Variants in XKR4 observed in about 807,000 individuals in gnomAD.
XKR4 encodes XK-related protein 4.
XKR4 carries 12 observed loss-of-function variants against 53.9 expected under a neutral mutation model. The ratio of observed to expected loss-of-function variants is 0.22; its 90% CI spans 0.14 to 0.36. XKR4 has a LOEUF of 0.36. XKR4 is among the 10% of genes least tolerant of loss of function. The probability of loss-of-function intolerance (pLI) is 1.00; values close to 1 mark genes in which losing one functional copy is unlikely to be tolerated. For missense variants in XKR4, 799 were observed against 859.5 expected (o/e 0.93, Z 0.88); for synonymous variants, 354 against 362.4 (o/e 0.98, Z 0.26).
At chr8:55,117,932 A>G (rs749623294) in intron 1 of XKR4, among the ~76,000 whole-genome samples, 6 of 152,242 alleles carry the variant, frequency 3.9e-5, no homozygotes, top group South Asian at 4.1e-4. Flanking sequence ...GTCTTCACTT[A>G]GTGCTGTTAA....
In XKR4 at chr8:55,523,606, T is replaced by C. The variant is rs1031467095; in HGVS notation, c.1332T>C (p.Ser444=). ...DMVVGIIYIF[S]WFNVKEGRTR... is the part of the protein sequence containing the mutation. ...TGGTGGGGATTATCTATATCTTCAG[T>C]TGGTTCAATGTCAAGGAAGGCAGGA... The change falls in exon 3 of 3, where the codon AGT becomes AGC. Residue 444 remains serine, a synonymous_variant. Coordinates refer to ENST00000327381, the MANE Select transcript of XKR4 (RefSeq NM_052898.2). The C allele has an allele frequency of 1.9e-6, 3 of 1,614,154 alleles. No homozygotes were observed. The highest frequency in any genetic ancestry group is 1.7e-6 in the Non-Finnish European group (2 of 1,180,014).
chr8:55,152,487 T>C (rs1317346786), intron 1 of XKR4, among the ~76,000 whole-genome samples: 6 of 152,308 alleles, frequency 3.9e-5, no homozygotes, highest in African/African-American at 1.4e-4. Context: ...TGAAAATTTT[T>C]TTGTCTTCAA....
chr8:55,258,286 A>G (rs991156691), intron 1 of XKR4, among the ~76,000 whole-genome samples: 3 of 152,216 alleles, frequency 2.0e-5, no homozygotes, highest in Admixed American at 1.3e-4. Flanking sequence ...CCTCACGTGT[A>G]GAGGAGGAGC....
intron 1 of XKR4, among the ~76,000 whole-genome samples, chr8:55,120,580 C>T (rs1379258139): frequency 2.1e-5 from 3 of 139,862 alleles, no homozygotes; most frequent in Non-Finnish European, 3.3e-5. Flanking sequence ...GGGAAGTTTT[C>T]GGTTTACAGA....
intron 1 of XKR4, among the ~76,000 whole-genome samples, chr8:55,192,647 G>GC (rs1461551152): frequency 6.6e-6 from 1 of 152,142 alleles, no homozygotes; most frequent in Non-Finnish European, 1.5e-5. Flanking sequence ...CAACACAGCA[G>GC]CTGGGACTGT....
chr8:55,118,565 C>G (rs900105921), intron 1 of XKR4, among the ~76,000 whole-genome samples: 1 of 152,216 alleles, frequency 6.6e-6, no homozygotes, highest in African/African-American at 2.4e-5. Context: ...ATTCATCACT[C>G]TCAAATGCAT....
chr8:55,442,042 AG>A (rs1236982842), intron 2 of XKR4, among the ~76,000 whole-genome samples: 1 of 152,114 alleles, frequency 6.6e-6, no homozygotes, highest in African/African-American at 2.4e-5. Flanking sequence ...ACAATACAAA[AG>A]ATTAACAAAA....
intron 1 of XKR4, among the ~76,000 whole-genome samples, chr8:55,212,345 G>A (rs998851214): frequency 6.6e-6 from 1 of 152,094 alleles, no homozygotes; most frequent in Non-Finnish European, 1.5e-5. Flanking sequence ...AGCTTTGCAG[G>A]GCCATTTCAA....
chr8:55,248,051 T>C (rs1224417301), intron 1 of XKR4, among the ~76,000 whole-genome samples: 1 of 151,434 alleles, frequency 6.6e-6, no homozygotes, highest in Non-Finnish European at 1.5e-5. Flanking sequence ...GAGATGGGGT[T>C]TCATTGTGTT....
chr8:55,285,450 T>G (rs1412784613), intron 1 of XKR4, among the ~76,000 whole-genome samples: 3 of 151,606 alleles, frequency 2.0e-5, no homozygotes, highest in Non-Finnish European at 2.9e-5. Flanking sequence ...AGTGAATGAA[T>G]GAAGAATTGA....
At chr8:55,269,864 A>G (rs1026178121) in intron 1 of XKR4, among the ~76,000 whole-genome samples, 2 of 152,186 alleles carry the variant, frequency 1.3e-5, no homozygotes, top group Non-Finnish European at 2.9e-5. Flanking sequence ...TATGTTGGTA[A>G]ATTAGTAAGC....
At chr8:55,179,385 T>TA (rs934548128) in intron 1 of XKR4, among the ~76,000 whole-genome samples, 6 of 152,198 alleles carry the variant, frequency 3.9e-5, no homozygotes, top group Admixed American at 2.0e-4. Context: ...CTTTCAGTTC[T>TA]AACGTTCTCA....
intron 1 of XKR4, among the ~76,000 whole-genome samples, chr8:55,282,498 C>T (rs1158550906): frequency 6.6e-6 from 1 of 152,098 alleles, no homozygotes; most frequent in Non-Finnish European, 1.5e-5. Context: ...GGGGAGCAGG[C>T]ATCACATGGT....
intron 1 of XKR4, among the ~76,000 whole-genome samples, chr8:55,266,682 G>T (rs1818606538): frequency 6.6e-6 from 1 of 152,116 alleles, no homozygotes; most frequent in South Asian, 2.1e-4. Context: ...GGACGGCATG[G>T]CTGTGTTTTG....
intron 1 of XKR4, among the ~76,000 whole-genome samples, chr8:55,335,296 CTTA>C (rs1803444001): frequency 6.6e-6 from 1 of 151,996 alleles, no homozygotes. Context: ...CACAAAATGA[CTTA>C]TTATAGAATT....
intron 2 of XKR4, chr8:55,450,964 G>T: frequency 2.0e-6 from 1 of 510,912 alleles, no homozygotes; most frequent in Non-Finnish European, 3.7e-6. Context: ...ACTAGGCTGG[G>T]CTCAGCAGTA....
At chr8:55,395,715 G>A (rs139905213) in intron 2 of XKR4, among the ~76,000 whole-genome samples, 1 of 152,100 alleles carries the variant, frequency 6.6e-6, no homozygotes, top group African/African-American at 2.4e-5. Context: ...TAGGTAGATG[G>A]GGCCCATCTT....
At chr8:55,306,028 G>A (rs1358907392) in intron 1 of XKR4, among the ~76,000 whole-genome samples, 1 of 152,170 alleles carries the variant, frequency 6.6e-6, no homozygotes, top group East Asian at 1.9e-4. Flanking sequence ...GGGCTGAAGG[G>A]ATCAGGTGAA....
intron 2 of XKR4, among the ~76,000 whole-genome samples, chr8:55,469,918 C>G (rs1163652694): frequency 6.6e-6 from 1 of 152,070 alleles, no homozygotes; most frequent in East Asian, 1.9e-4. Flanking sequence ...GTACTGGGTC[C>G]TAAGAGGTGA....
Sources: allele counts gnomAD v4.1 joint callset (sites outside exome capture counted in the v4.1 genomes callset), GRCh38; gene constraint gnomAD v4.1.1; transcripts MANE v1.5; gene names NCBI Gene and HGNC (gene_info 2026-07-23, HGNC 2026-07-21).